The following OGFOD1 variants were observed in gnomAD, a reference collection of about 807,000 sequenced individuals.
OGFOD1 encodes 2-oxoglutarate and iron dependent oxygenase domain containing 1.
A neutral mutation model predicts 67.7 loss-of-function variants in OGFOD1; 54 were observed. That is an observed-to-expected ratio of 0.80 (90% confidence interval 0.64 to 1.00). OGFOD1 has a LOEUF of 1.00. Among genes scored for constraint, OGFOD1 ranks in the 50% least tolerant of loss-of-function variants. The probability of loss-of-function intolerance (pLI) is 0.00; values close to 1 mark genes in which losing one functional copy is unlikely to be tolerated. For missense variants in OGFOD1, 606 were observed against 646.7 expected (o/e 0.94, Z 0.68); for synonymous variants, 221 against 227.0 (o/e 0.97, Z 0.24).
chr16:56,468,151 G>A (rs1223360443), intron 8 of OGFOD1, 133 bp downstream of exon 8: 1 of 609,892 alleles, frequency 1.6e-6, no homozygotes, highest in Non-Finnish European at 2.9e-6. Flanking sequence ...CCTTCTTCAA[G>A]TGAAACATAG....
rs144050121 is a variant in OGFOD1 at position 56,458,447 on chromosome 16, T to C, written c.301-101T>C. On this transcript the variant is annotated intron_variant, in intron 2 of 12. Transcript: ENST00000566157. ...CAGCCTGGCTTCAGAGTCTGGGCTCTTAATGACAATGCTAGGACCAGAACA... is the reference window on the plus strand; with the variant it reads ...CAGCCTGGCTTCAGAGTCTGGGCTCCTAATGACAATGCTAGGACCAGAACA... 614 of 1,064,958 alleles carry C rather than the reference T, an allele frequency of 5.8e-4. 2 individuals carry two copies. The African/African-American group carries it at 8.7e-3, about 15-fold the overall frequency. The allele number at this position is 1,064,958 out of a possible 1,614,324, so 66.0% of individuals were successfully genotyped here. A position where few individuals can be genotyped will look rare whatever the true frequency, so the allele number is the denominator to read the frequency against.
chr16:56,458,306 A>T, intron 2 of OGFOD1: 1 of 494,130 alleles, frequency 2.0e-6, no homozygotes, highest in Non-Finnish European at 3.7e-6. Context: ...CTCAATGGGC[A>T]TAGAAACTAG....
chr16:56,453,296 A>G lies in OGFOD1; in HGVS notation c.188A>G (p.His63Arg), dbSNP rs1389781240. The G allele has an allele frequency of 1.7e-5, 28 of 1,613,988 alleles. No individual in the cohort carries two copies. The highest frequency in any genetic ancestry group is 2.3e-5 in the Non-Finnish European group (27 of 1,179,960). ...VIVMDMDPFL[H>R]CVIPNFIQSQ... ...GTCATGGACATGGACCCTTTTCTTC[A>G]CTGTGTGATCCCAAACTTCATCCAA... The change falls in exon 2 of 13, where the codon CAC becomes CGC. Residue 63 changes from histidine (H) to arginine (R), a missense_variant. Coordinates refer to ENST00000566157, the MANE Select transcript of OGFOD1 (RefSeq NM_018233.4).
intron 10 of OGFOD1, among the ~76,000 whole-genome samples, chr16:56,472,446 CTGTT>C (rs1436446037): frequency 3.9e-5 from 6 of 152,314 alleles, no homozygotes; most frequent in Middle Eastern, 3.4e-3. Context: ...AGAAAAGTCA[CTGTT>C]TACGAAGTTT....
At chr16:56,473,025 G>T (rs1416665803) in intron 10 of OGFOD1, among the ~76,000 whole-genome samples, 4 of 152,172 alleles carry the variant, frequency 2.6e-5, no homozygotes, top group Non-Finnish European at 5.9e-5. Flanking sequence ...CCGTCTTCCG[G>T]GTTCAAGCGA....
chr16:56,470,324 C>A, intron 9 of OGFOD1, 163 bp from the exon 10 acceptor site: 1 of 716,736 alleles, frequency 1.4e-6, no homozygotes, highest in South Asian at 1.9e-5. Flanking sequence ...AGCAGGATGT[C>A]CTAACAAAAT....
chr16:56,457,855 T>C (rs1596967679), intron 2 of OGFOD1, among the ~76,000 whole-genome samples: 1 of 152,104 alleles, frequency 6.6e-6, no homozygotes, highest in African/African-American at 2.4e-5. Flanking sequence ...AATTTTTGTA[T>C]TTTTAGTAGA....
rs926057554 is a variant in OGFOD1, at chr16:56,451,648, C to G, written c.36C>G (p.Ala12=). 2.9e-5 allele frequency: 46 copies of G among 1,613,916 alleles called. No homozygotes were observed. The highest frequency in any genetic ancestry group is 3.9e-5 in the Non-Finnish European group (46 of 1,179,992). ...NGKRPAEPGP[A]RVGKKGKKEV... is the part of the protein sequence containing the mutation. ...AGCGGCCAGCGGAGCCCGGCCCAGCCCGGGTGGGAAAAAAGGGAAAGAAGG... is the reference window on the plus strand; with the variant it reads ...AGCGGCCAGCGGAGCCCGGCCCAGCGCGGGTGGGAAAAAAGGGAAAGAAGG... Residue 12 remains alanine (A), a synonymous_variant, in exon 1 of 13, where the codon GCC becomes GCG. Coordinates refer to ENST00000566157, the MANE Select transcript of OGFOD1 (RefSeq NM_018233.4).
intron 8 of OGFOD1, 139 bp from the exon 9 acceptor site, chr16:56,469,864 A>C: frequency 1.6e-6 from 1 of 618,502 alleles, no homozygotes; most frequent in South Asian, 2.2e-5. Context: ...AAAAAAAAAA[A>C]AAAAAAAAAG....
intron 10 of OGFOD1, among the ~76,000 whole-genome samples, chr16:56,474,188 A>G (rs1225234451): frequency 1.3e-5 from 2 of 152,106 alleles, no homozygotes; most frequent in East Asian, 3.8e-4. Flanking sequence ...TTTCTACTTT[A>G]GGTAATAACA....
intron 4 of OGFOD1, among the ~76,000 whole-genome samples, chr16:56,463,384 G>GTTTTTTTTTTTTTTTTTTTTTTT (rs56388148): frequency 6.8e-5 from 3 of 43,808 alleles, no homozygotes; most frequent in African/African-American, 1.0e-4. Flanking sequence ...TCTTTTTTGG[G>GTTTTTTTTTTTTTTTTTTTTTTT]TTTTTTTTTT....
Position 56,470,871 on chromosome 16 carries a change from T to C in OGFOD1, c.1285+80T>C, listed in dbSNP as rs1285841572. The C allele has an allele frequency of 3.7e-6, 5 of 1,365,868 alleles. No individual in the cohort carries two copies. In the African/African-American group the frequency reaches 4.4e-5, roughly 12 times the overall value. The allele number at this position is 1,365,868 out of a possible 1,614,324, so 84.6% of individuals were successfully genotyped here. ...CATGTATTCATTCAACAAACATTTATTGAGCATCTACTGTGCCCTAAGCCC... is the reference window on the plus strand; with the variant it reads ...CATGTATTCATTCAACAAACATTTACTGAGCATCTACTGTGCCCTAAGCCC... On this transcript the variant is annotated intron_variant, in intron 10 of 12. Coordinates refer to ENST00000566157, the MANE Select transcript of OGFOD1 (RefSeq NM_018233.4).
At chr16:56,472,558 G>C (rs1963248096) in intron 10 of OGFOD1, among the ~76,000 whole-genome samples, 1 of 152,118 alleles carries the variant, frequency 6.6e-6, no homozygotes. Flanking sequence ...GGCACATCTA[G>C]TGAGATAACA....
At chr16:56,452,459 C>G (rs1258815095) in intron 1 of OGFOD1, among the ~76,000 whole-genome samples, 2 of 152,198 alleles carry the variant, frequency 1.3e-5, no homozygotes, top group Non-Finnish European at 2.9e-5. Context: ...TAAATATCAC[C>G]TTAGGTGTTC....
intron 11 of OGFOD1, 38 bp from the exon 12 acceptor site, chr16:56,475,469 A>C (rs781031302): frequency 6.9e-6 from 11 of 1,596,022 alleles, no homozygotes; most frequent in South Asian, 5.5e-5. Flanking sequence ...CTCTTTCAAT[A>C]GGAGCTTTCT....
rs11544885 is a variant in OGFOD1 at position 56,466,264 on chromosome 16, T to A, written c.561T>A (p.Ile187=). 68,256 of 1,599,582 alleles carry A rather than the reference T, an allele frequency of 0.043. 1,819 individuals are homozygous for A. The highest frequency in any genetic ancestry group is 0.1 in the East Asian group (4,645 of 44,738). ...SMGGTLDLYS[I]DEHFQPKQIV... ...GTGGTACCCTGGACCTGTACAGCAT[T>A]GATGGTAAGATAAGTATAAGTGCAT... The change falls in exon 5 of 13, where the codon ATT becomes ATA. Residue 187 remains isoleucine (I), a synonymous_variant. Transcript: ENST00000566157.
intron 1 of OGFOD1, 109 bp downstream of exon 1, chr16:56,451,875 C>T (rs1288806367): frequency 1.5e-6 from 2 of 1,292,172 alleles, no homozygotes; most frequent in Non-Finnish European, 2.1e-6. Flanking sequence ...AGGGAAGAGG[C>T]TCTTAGAGGA....
intron 3 of OGFOD1, chr16:56,458,853 A>C (rs1319051175): frequency 2.2e-6 from 1 of 459,210 alleles, no homozygotes; most frequent in Non-Finnish European, 3.9e-6. Context: ...TCAAGGAAAC[A>C]GAAGTTAACA....
chr16:56,457,778 A>G (rs904672353), intron 2 of OGFOD1, among the ~76,000 whole-genome samples: 43 of 152,124 alleles, frequency 2.8e-4, no homozygotes, highest in African/African-American at 9.9e-4. Flanking sequence ...CCTCCAGGTT[A>G]AAATGATTCT....
Sources: gnomAD v4.1 joint callset for allele counts (sites outside exome capture counted in the v4.1 genomes callset) on GRCh38, gnomAD v4.1.1 for gene constraint, MANE v1.5 for transcripts, NCBI Gene and HGNC (gene_info 2026-07-23, HGNC 2026-07-21) for gene names.